TENM4: variants seen among roughly 807,000 people sequenced by gnomAD.
TENM4 encodes teneurin-4.
TENM4 carries 82 observed loss-of-function variants against 243.3 expected under a neutral mutation model. The ratio of observed to expected loss-of-function variants is 0.34; its 90% CI spans 0.28 to 0.40. The LOEUF (loss-of-function observed/expected upper bound fraction) is 0.40. Among genes scored for constraint, TENM4 ranks in the 10% least tolerant of loss-of-function variants. TENM4 has a pLI of 1.00. For synonymous variants in TENM4, 1,412 were observed against 1,456.3 expected (o/e 0.97, Z 0.69); for missense variants, 3,138 against 3,673.3 (o/e 0.85, Z 3.77).
intron 1 of TENM4, among the ~76,000 whole-genome samples, chr11:79,396,384 T>G (rs1454253018): frequency 2.0e-5 from 3 of 152,216 alleles, no homozygotes; most frequent in Non-Finnish European, 4.4e-5. Context: ...ACTTTATTAT[T>G]GCAAGTCCCA....
intron 6 of TENM4, among the ~76,000 whole-genome samples, chr11:78,991,306 T>TA (rs35865449): frequency 0.9 from 134,808 of 150,224 alleles, 61,087 homozygotes; most frequent in Non-Finnish European, 0.97. Flanking sequence ...CTTTTGAGGT[T>TA]AAAAAAAAAG....
chr11:78,736,445 AGTGTGTGTGTGTGT>A (rs3223449), intron 20 of TENM4, among the ~76,000 whole-genome samples: 17 of 145,268 alleles, frequency 1.2e-4, no homozygotes, highest in Admixed American at 2.0e-4. Context: ...GATTTCAGCA[AGTGTGTGTGTGTGT>A]GTGTGTGTGT....
intron 4 of TENM4, among the ~76,000 whole-genome samples, chr11:79,128,544 C>T (rs1591302678): frequency 6.6e-6 from 1 of 152,352 alleles, no homozygotes; most frequent in East Asian, 1.9e-4. Flanking sequence ...CCAGTGGCCT[C>T]ATGGGGAGTT....
chr11:78,765,267 C>T (rs1411313640), intron 18 of TENM4, among the ~76,000 whole-genome samples: 1 of 152,184 alleles, frequency 6.6e-6, no homozygotes, highest in Non-Finnish European at 1.5e-5. Context: ...AAAAGGCTTG[C>T]AAAGTCTTTA....
intron 9 of TENM4, among the ~76,000 whole-genome samples, chr11:78,870,883 C>G (rs532920175): frequency 6.6e-6 from 1 of 152,258 alleles, no homozygotes; most frequent in Non-Finnish European, 1.5e-5. Context: ...GAACTGAAAC[C>G]TAATTTGTAC....
intron 2 of TENM4, among the ~76,000 whole-genome samples, chr11:79,294,804 C>T (rs116602892): frequency 0.099 from 15,116 of 151,930 alleles, 804 homozygotes; most frequent in African/African-American, 0.13. Flanking sequence ...AGCCAAGAAC[C>T]CATCACTGCA....
At chr11:79,362,871 C>T (rs758338355) in intron 1 of TENM4, among the ~76,000 whole-genome samples, 1 of 152,174 alleles carries the variant, frequency 6.6e-6, no homozygotes, top group African/African-American at 2.4e-5. Flanking sequence ...GAGCTTTAAC[C>T]GTTATTTTTA....
At position 79,283,566 on chromosome 11, in the gene TENM4, T is replaced by C. The variant is rs374014318; in HGVS notation, c.-265+13922A>G. On this transcript the variant is annotated intron_variant, in intron 2 of 33. Coordinates refer to ENST00000278550, the MANE Select transcript of TENM4 (RefSeq NM_001098816.3). ...ACTATAAATAGAAGAAATACTTAAC[T>C]TGATAGAGGTCATCTACAAAAAACT... Among the ~76,000 whole-genome samples, 97 of 152,248 alleles carry C rather than the reference T, an allele frequency of 6.4e-4. 2 individuals are homozygous for C. In the South Asian group the frequency reaches 0.02, roughly 31 times the overall value.
In TENM4 at chr11:78,812,148, C is replaced by G; in HGVS notation, c.1952G>C (p.Gly651Ala). 2 of 1,551,578 alleles carry G rather than the reference C, an allele frequency of 1.3e-6. No individual in the cohort carries two copies. Among genetic ancestry groups the G allele is most frequent in the African/African-American group, 2.7e-5 (2 of 73,174 alleles). Reference protein sequence around the residue: ...CITGTCICNPGYKGESCEEVD... With the variant: ...CITGTCICNPAYKGESCEEVD... ...TTCCTCACAGCTCTCGCCCTTGTAGCCAGGGTTGCAGATGCAGGTGCCCGT... is the reference window on the plus strand; with the variant it reads ...TTCCTCACAGCTCTCGCCCTTGTAGGCAGGGTTGCAGATGCAGGTGCCCGT... Residue 651 changes from glycine to alanine, a missense_variant, in exon 14 of 34, where the codon GGC (glycine) becomes GCC (alanine). Gly to Ala is a moderately conservative substitution (Grantham distance 60). Transcript: ENST00000278550.
intron 12 of TENM4, among the ~76,000 whole-genome samples, chr11:78,845,504 C>T (rs148473336): frequency 7.9e-5 from 12 of 152,304 alleles, no homozygotes; most frequent in African/African-American, 1.7e-4. Context: ...AGCTCTACCC[C>T]CAACTGTACT....
At chr11:79,051,393 T>C (rs1360312085) in intron 6 of TENM4, among the ~76,000 whole-genome samples, 1 of 152,020 alleles carries the variant, frequency 6.6e-6, no homozygotes, top group African/African-American at 2.4e-5. Context: ...GGCTCCAGAG[T>C]ATGTGCTTAT....
At chr11:79,230,345 G>A (rs1864351602) in intron 2 of TENM4, among the ~76,000 whole-genome samples, 1 of 152,140 alleles carries the variant, frequency 6.6e-6, no homozygotes, top group Non-Finnish European at 1.5e-5. Flanking sequence ...TAAGAGCTTC[G>A]AAGCAGTGGC....
intron 6 of TENM4, among the ~76,000 whole-genome samples, chr11:78,904,325 A>C (rs1038844329): frequency 1.4e-5 from 2 of 143,680 alleles, no homozygotes; most frequent in Non-Finnish European, 3.0e-5. Flanking sequence ...GCGCCACTGC[A>C]CTCCAGCCTG....
At chr11:79,245,953 AAAAAAAAAAGAAAAGAAAAGGAAAGC>A in intron 2 of TENM4, among the ~76,000 whole-genome samples, 1 of 151,026 alleles carries the variant, frequency 6.6e-6, no homozygotes, top group East Asian at 1.9e-4. Context: ...AAAAAAAAAA[AAAAAAAAAAGAAAAGAAAAGGAAAGC>A]AAAACAGGAG....
chr11:78,658,964 A>T, intron 33 of TENM4, 148 bp from the exon 34 acceptor site: 1 of 905,830 alleles, frequency 1.1e-6, no homozygotes, highest in Non-Finnish European at 1.6e-6. Context: ...CAGAACATCC[A>T]GGTGGTCGCC....
chr11:79,398,116 A>G (rs1758693948), intron 1 of TENM4, among the ~76,000 whole-genome samples: 1 of 152,234 alleles, frequency 6.6e-6, no homozygotes, highest in South Asian at 2.1e-4. Flanking sequence ...CAGTGCAGAC[A>G]GAAGGTAGAA....
chr11:79,291,230 C>CA lies in TENM4; in HGVS notation c.-265+6257dup, dbSNP rs200673877. 6.6e-3 allele frequency among the ~76,000 whole-genome samples: 1,009 copies of CA among 152,218 alleles called. 19 individuals carry two copies. Among genetic ancestry groups the CA allele is most frequent in the African/African-American group, 0.022 (933 of 41,532 alleles). ...AAGCACAGAAAACCCTTCTCAAAGA[C>CA]AAAAAACTGCTTTAGTTCTGTGTAG... is the stretch of plus-strand genomic sequence containing the variant. On this transcript the variant is annotated intron_variant, in intron 2 of 33. Coordinates refer to ENST00000278550, the MANE Select transcript of TENM4 (RefSeq NM_001098816.3).
chr11:79,323,392 C>T (rs188620736), intron 1 of TENM4, among the ~76,000 whole-genome samples: 44 of 152,326 alleles, frequency 2.9e-4, no homozygotes, highest in Middle Eastern at 6.8e-3. Flanking sequence ...TGCTCAGAAA[C>T]GTTGACCCAC....
At chr11:78,726,024 T>A in intron 23 of TENM4, 55 bp downstream of exon 23, 2 of 1,604,152 alleles carry the variant, frequency 1.2e-6, no homozygotes, top group Non-Finnish European at 1.7e-6. Flanking sequence ...GCACAAGGGA[T>A]ATGAGACAAG....
Sources: gnomAD v4.1 joint callset for allele counts (sites outside exome capture counted in the v4.1 genomes callset) on GRCh38, gnomAD v4.1.1 for gene constraint, MANE v1.5 for transcripts, NCBI Gene and HGNC (gene_info 2026-07-23, HGNC 2026-07-21) for gene names.